The following CDKAL1 variants were observed in gnomAD, a reference collection of about 807,000 sequenced individuals.
CDKAL1 encodes the protein CDKAL1 threonylcarbamoyladenosine tRNA methylthiotransferase.
In CDKAL1, 32 loss-of-function variants were observed where a neutral mutation model predicts 68.2. The ratio of observed to expected loss-of-function variants is 0.47; its 90% CI spans 0.35 to 0.63. The LOEUF is 0.63. Ranked by LOEUF, CDKAL1 falls within the 30% of genes least tolerant of loss-of-function variation. The probability of loss-of-function intolerance (pLI) is 0.00; values close to 1 mark genes in which losing one functional copy is unlikely to be tolerated. For missense variants in CDKAL1, 606 were observed against 696.7 expected (o/e 0.87, Z 1.47); for synonymous variants, 234 against 244.3 (o/e 0.96, Z 0.39).
At chr6:21,227,207 T>C (rs915698720) in intron 15 of CDKAL1, among the ~76,000 whole-genome samples, 2 of 152,250 alleles carry the variant, frequency 1.3e-5, no homozygotes, top group African/African-American at 4.8e-5. Context: ...TTATAATCAC[T>C]TCGCCTATAA....
intron 15 of CDKAL1, among the ~76,000 whole-genome samples, chr6:21,211,216 C>T (rs145511875): frequency 1.6e-4 from 24 of 152,270 alleles, no homozygotes; most frequent in African/African-American, 3.4e-4. Context: ...AAGGAACCAA[C>T]GCAACGTGAC....
At chr6:20,862,707 A>T (rs952566764) in intron 9 of CDKAL1, among the ~76,000 whole-genome samples, 18 of 152,270 alleles carry the variant, frequency 1.2e-4, no homozygotes, top group Admixed American at 1.0e-3. Flanking sequence ...ATACTCTCAC[A>T]TAGCTATGCC....
chr6:20,773,430 A>G (rs1302345251), intron 7 of CDKAL1, among the ~76,000 whole-genome samples: 3 of 152,260 alleles, frequency 2.0e-5, no homozygotes, highest in Middle Eastern at 3.2e-3. Flanking sequence ...GACATTTTGT[A>G]GAAAAACAGA....
At chr6:20,639,781 C>T (rs779275099) in intron 4 of CDKAL1, among the ~76,000 whole-genome samples, 7 of 152,192 alleles carry the variant, frequency 4.6e-5, no homozygotes, top group Non-Finnish European at 1.0e-4. Context: ...AGTGATTCTT[C>T]TGCCTCAGCC....
At chr6:21,164,669 C>T (rs1208553094) in intron 13 of CDKAL1, among the ~76,000 whole-genome samples, 1 of 152,148 alleles carries the variant, frequency 6.6e-6, no homozygotes, top group African/African-American at 2.4e-5. Flanking sequence ...AAATTCTCAG[C>T]ATCAAAGATG....
At chr6:20,588,182 C>A (rs753618043) in intron 4 of CDKAL1, among the ~76,000 whole-genome samples, 1 of 152,162 alleles carries the variant, frequency 6.6e-6, no homozygotes, top group Non-Finnish European at 1.5e-5. Context: ...GGGTTTAATA[C>A]TTGTTAATAT....
intron 8 of CDKAL1, among the ~76,000 whole-genome samples, chr6:20,822,811 T>G (rs1777341190): frequency 2.0e-5 from 3 of 152,168 alleles, no homozygotes; most frequent in South Asian, 4.1e-4. Flanking sequence ...TCCACCATGA[T>G]TTAAGTTTCC....
At chr6:20,886,680 A>G (rs1445751211) in intron 9 of CDKAL1, among the ~76,000 whole-genome samples, 14 of 152,216 alleles carry the variant, frequency 9.2e-5, no homozygotes, top group Admixed American at 8.5e-4. Flanking sequence ...TGAAATATCT[A>G]GGGTGGGCAA....
At position 20,978,871 on chromosome 6, in the gene CDKAL1, A is replaced by G. The variant is rs372262592; in HGVS notation, c.910-21356A>G. 1.6e-4 allele frequency among the ~76,000 whole-genome samples: 25 copies of G among 152,286 alleles called. No homozygotes were observed. In the East Asian group the frequency reaches 3.3e-3, roughly 20 times the overall value. ...TAGAGTTTTTGTTTGTTGGGGCACT[A>G]GCATAGTATTAGTACACTATCCTCC... On this transcript the variant is annotated intron_variant, in intron 10 of 15. Coordinates refer to ENST00000274695, the MANE Select transcript of CDKAL1 (RefSeq NM_017774.3).
intron 10 of CDKAL1, among the ~76,000 whole-genome samples, chr6:20,992,208 A>ATATATATATATATATATATATATATATG (rs200094831): frequency 2.1e-5 from 3 of 144,626 alleles, no homozygotes; most frequent in African/African-American, 8.5e-5. Flanking sequence ...ATATATATAT[A>ATATATATATATATATATATATATATATG]TATGTATTTT....
intron 13 of CDKAL1, among the ~76,000 whole-genome samples, chr6:21,134,312 T>G (rs1370927579): frequency 1.3e-5 from 2 of 152,188 alleles, no homozygotes; most frequent in Non-Finnish European, 2.9e-5. Flanking sequence ...ATCCTTTCAG[T>G]ACCTAGAGAA....
At chr6:21,080,977 A>G (rs913469438) in intron 12 of CDKAL1, among the ~76,000 whole-genome samples, 1 of 152,220 alleles carries the variant, frequency 6.6e-6, no homozygotes, top group African/African-American at 2.4e-5. Flanking sequence ...TAGCATTTCA[A>G]GTTTTCTAAA....
intron 11 of CDKAL1, among the ~76,000 whole-genome samples, chr6:21,012,009 G>C (rs888221277): frequency 6.6e-6 from 1 of 152,162 alleles, no homozygotes; most frequent in Admixed American, 6.5e-5. Flanking sequence ...ACTCTGTAAG[G>C]CTCCAGCATG....
chr6:20,837,747 A>T (rs999900161), intron 8 of CDKAL1, among the ~76,000 whole-genome samples: 20 of 146,210 alleles, frequency 1.4e-4, no homozygotes, highest in African/African-American at 5.3e-4. Context: ...TTCAGCATAT[A>T]ATAATAATAA....
intron 12 of CDKAL1, among the ~76,000 whole-genome samples, chr6:21,100,820 T>C (rs1165996429): frequency 2.0e-5 from 3 of 152,192 alleles, no homozygotes; most frequent in African/African-American, 7.2e-5. Flanking sequence ...CTTAAATGAG[T>C]ATTATCATCT....
intron 4 of CDKAL1, among the ~76,000 whole-genome samples, chr6:20,626,077 G>A (rs1385754689): frequency 6.6e-6 from 1 of 152,052 alleles, no homozygotes; most frequent in Admixed American, 6.6e-5. Flanking sequence ...CTTTTATTTT[G>A]TAATTATTTT....
intron 4 of CDKAL1, among the ~76,000 whole-genome samples, chr6:20,585,489 T>C (rs897070106): frequency 3.3e-5 from 5 of 152,370 alleles, no homozygotes; most frequent in African/African-American, 9.6e-5. Context: ...TCTTTCTGTT[T>C]CTAGTTCACT....
At chr6:20,576,174 A>G (rs1175194009) in intron 4 of CDKAL1, among the ~76,000 whole-genome samples, 2 of 152,244 alleles carry the variant, frequency 1.3e-5, no homozygotes, top group African/African-American at 4.8e-5. Flanking sequence ...TAAAAGAAGA[A>G]TAAATAGCTG....
intron 4 of CDKAL1, chr6:20,599,466 A>T (rs1002388836): frequency 2.6e-6 from 1 of 383,414 alleles, no homozygotes; most frequent in Non-Finnish European, 5.2e-6. Context: ...GACCCATGCT[A>T]TGCAAACTTA....
Sources: gnomAD v4.1 joint callset for allele counts (sites outside exome capture counted in the v4.1 genomes callset) on GRCh38, gnomAD v4.1.1 for gene constraint, MANE v1.5 for transcripts, NCBI Gene and HGNC (gene_info 2026-07-23, HGNC 2026-07-21) for gene names.